AUTS2: variants seen among roughly 807,000 people sequenced by gnomAD.
The protein encoded by AUTS2 is autism susceptibility gene 2 protein.
A neutral mutation model predicts 112.4 loss-of-function variants in AUTS2; 17 were observed. The observed-to-expected ratio is 0.15, with a 90% CI of 0.10 to 0.23. The LOEUF is 0.23. Among genes scored for constraint, AUTS2 ranks in the 10% least tolerant of loss-of-function variants. The probability of loss-of-function intolerance (pLI) is 1.00; values close to 1 mark genes in which losing one functional copy is unlikely to be tolerated. For synonymous variants in AUTS2, 751 were observed against 702.7 expected, an observed-to-expected ratio of 1.07 and a Z score of -1.09; for missense variants, 1,510 against 1,701.6, an observed-to-expected ratio of 0.89 and a Z score of 1.98.
chr7:70,497,765 A>G (rs537605385), intron 5 of AUTS2, among the ~76,000 whole-genome samples: 9 of 152,268 alleles, frequency 5.9e-5, no homozygotes, highest in South Asian at 2.1e-4. Context: ...TATTAATCCT[A>G]TACTTGGCAT....
intron 3 of AUTS2, among the ~76,000 whole-genome samples, chr7:70,128,596 C>T (rs961001835): frequency 3.1e-4 from 47 of 152,170 alleles, no homozygotes; most frequent in African/African-American, 1.0e-3. Context: ...ATGTTGTGTT[C>T]GAGGGAAAGA....
At chr7:69,729,418 C>CT (rs1562842387) in intron 1 of AUTS2, among the ~76,000 whole-genome samples, 5 of 76,740 alleles carry the variant, frequency 6.5e-5, no homozygotes, top group African/African-American at 1.8e-4. Flanking sequence ...TGTCCCCCAA[C>CT]ACCCCCCCCC....
At chr7:70,066,004 A>G (rs1258923011) in intron 2 of AUTS2, among the ~76,000 whole-genome samples, 1 of 152,166 alleles carries the variant, frequency 6.6e-6, no homozygotes, top group Non-Finnish European at 1.5e-5. Context: ...TGTGTTTTGA[A>G]TAAGAAGAAA....
chr7:70,255,428 C>CA (rs202036691), intron 4 of AUTS2, among the ~76,000 whole-genome samples: 5,773 of 149,874 alleles, frequency 0.039, 143 homozygotes, highest in Middle Eastern at 0.082. Context: ...ATACTAATTG[C>CA]AAAAAAAAAT....
chr7:69,678,186 C>T, intron 1 of AUTS2, among the ~76,000 whole-genome samples: 1 of 151,906 alleles, frequency 6.6e-6, no homozygotes, highest in East Asian at 1.9e-4. Context: ...AAAACTCGTC[C>T]CCTGCTTGAT....
At chr7:70,619,709 A>G (rs567241778) in intron 5 of AUTS2, among the ~76,000 whole-genome samples, 1 of 152,098 alleles carries the variant, frequency 6.6e-6, no homozygotes, top group African/African-American at 2.4e-5. Context: ...CAAGTAGGTA[A>G]GGGAGAATTG....
chr7:70,269,956 T>C (rs1055937125), intron 4 of AUTS2, among the ~76,000 whole-genome samples: 9 of 152,308 alleles, frequency 5.9e-5, no homozygotes, highest in African/African-American at 1.4e-4. Context: ...GAAGGATCGC[T>C]TAAGCATAGG....
At chr7:70,726,823 T>C (rs1036114059) in intron 6 of AUTS2, among the ~76,000 whole-genome samples, 4 of 152,198 alleles carry the variant, frequency 2.6e-5, no homozygotes, top group Non-Finnish European at 5.9e-5. Flanking sequence ...GGCGCTTTTG[T>C]TCTTTTGAGA....
intron 2 of AUTS2, among the ~76,000 whole-genome samples, chr7:69,981,976 A>C (rs1031806236): frequency 6.6e-6 from 1 of 152,172 alleles, no homozygotes; most frequent in Admixed American, 6.5e-5. Flanking sequence ...GTTTTTGCTG[A>C]ACTTTACCTA....
At chr7:70,174,219 A>G (rs991607119) in intron 4 of AUTS2, among the ~76,000 whole-genome samples, 3 of 152,218 alleles carry the variant, frequency 2.0e-5, no homozygotes, top group Non-Finnish European at 4.4e-5. Context: ...TCTTGATGGG[A>G]GATGAAACCA....
At chr7:70,606,650 C>T (rs897358737) in intron 5 of AUTS2, among the ~76,000 whole-genome samples, 2 of 152,004 alleles carry the variant, frequency 1.3e-5, no homozygotes, top group African/African-American at 2.4e-5. Flanking sequence ...CGCCTGAGGT[C>T]GGAAGTTCGA....
In AUTS2 at chr7:69,599,622, G is replaced by C; in HGVS notation, c.-32G>C. 2 of 1,271,540 alleles carry C rather than the reference G, an allele frequency of 1.6e-6. No individual in the cohort carries two copies. The highest frequency in any genetic ancestry group is 2.0e-6 in the Non-Finnish European group (2 of 1,010,760). The allele number at this position is 1,271,540 out of a possible 1,614,324, so 78.8% of individuals were successfully genotyped here. A position where few individuals can be genotyped will look rare whatever the true frequency, so the allele number is the denominator to read the frequency against. ...GTGGCTGCGGCCGTAGCCTGTGGCG[G>C]GCAAGCGGGGAGACCCCGGCGCAGC... On this transcript the variant is annotated 5_prime_UTR_variant, in exon 1 of 19. Coordinates refer to ENST00000342771, the MANE Select transcript of AUTS2 (RefSeq NM_015570.4). This position sits in a 1 kb window ranked among gnomAD's most constrained non-coding sequence, Gnocchi z 7.0.
chr7:70,549,324 T>A (rs1229460979), intron 5 of AUTS2, among the ~76,000 whole-genome samples: 1 of 152,198 alleles, frequency 6.6e-6, no homozygotes, highest in East Asian at 1.9e-4. Context: ...GAGACAGTTT[T>A]GCTTCTTTCT....
At chr7:70,641,515 G>A (rs1389169578) in intron 5 of AUTS2, among the ~76,000 whole-genome samples, 1 of 152,144 alleles carries the variant, frequency 6.6e-6, no homozygotes, top group East Asian at 1.9e-4. Context: ...TCGCACCACT[G>A]CACTCCAGCC....
chr7:69,978,062 A>T (rs1179416532), intron 2 of AUTS2, among the ~76,000 whole-genome samples: 1 of 152,208 alleles, frequency 6.6e-6, no homozygotes, highest in East Asian at 1.9e-4. Context: ...GTTAAATAAC[A>T]TAATGTTGAG....
intron 2 of AUTS2, among the ~76,000 whole-genome samples, chr7:69,975,524 A>G (rs1798018420): frequency 6.6e-6 from 1 of 151,564 alleles, no homozygotes; most frequent in South Asian, 2.1e-4. Context: ...CAGATACCTG[A>G]TACTCTGTTT....
rs190887364 is a variant in AUTS2, at chr7:70,325,708, A to C, written c.661-110044A>C. Among the ~76,000 whole-genome samples the C allele has an allele frequency of 8.6e-3, 1,307 of 152,308 alleles. 13 individuals are homozygous for C. The highest frequency in any genetic ancestry group is 0.027 in the Middle Eastern group (8 of 294). ...GAAATCATAGTCCTGGATGTTAGTC[A>C]CCCTTTCTGCAAGGGAATTGCTATC... On this transcript the variant is annotated intron_variant, in intron 4 of 18. Transcript: ENST00000342771.
At chr7:70,090,783 ATTC>A in intron 2 of AUTS2, among the ~76,000 whole-genome samples, 1 of 151,274 alleles carries the variant, frequency 6.6e-6, no homozygotes, top group African/African-American at 2.4e-5. Context: ...GGTTCAAGCA[ATTC>A]TTCTGCCTCA....
chr7:70,213,385 G>A (rs1172115802), intron 4 of AUTS2, among the ~76,000 whole-genome samples: 3 of 145,598 alleles, frequency 2.1e-5, no homozygotes, highest in East Asian at 2.0e-4. Context: ...AAAAAGCCAA[G>A]TGCAGCAGCA....
Sources: gnomAD v4.1 joint callset for allele counts (sites outside exome capture counted in the v4.1 genomes callset) on GRCh38, gnomAD v4.1.1 for gene constraint, Gnocchi (gnomAD v3.1) non-coding constraint, MANE v1.5 for transcripts, NCBI Gene and HGNC (gene_info 2026-07-23, HGNC 2026-07-21) for gene names.